Variants in LYSMD3 observed in about 807,000 individuals in gnomAD.
The protein encoded by LYSMD3 is lysM and putative peptidoglycan-binding domain-containing protein 3.
Under a neutral mutation model 26.1 loss-of-function variants are expected in LYSMD3, and 13 were observed. That is an observed-to-expected ratio of 0.50 (90% CI 0.32 to 0.79). The LOEUF (loss-of-function observed/expected upper bound fraction) is 0.79, where lower values mean the gene tolerates loss of function less well. LYSMD3 is among the 30% of genes least tolerant of loss of function. LYSMD3 has a pLI of 0.03. For synonymous variants in LYSMD3, 109 were observed against 119.4 expected, an observed-to-expected ratio of 0.91 and a Z score of 0.57; for missense variants, 331 against 362.5, an observed-to-expected ratio of 0.91 and a Z score of 0.71.
rs1309358789 is a variant in LYSMD3, at chr5:90,525,133, T to G, written c.157A>C (p.Ser53Arg). The change falls in exon 2 of 3, where the codon AGT becomes CGT. Residue 53 changes from serine (S) to arginine (R), a missense_variant. Ser to Arg is a moderately radical substitution (Grantham distance 110, BLOSUM62 -1). Transcript: ENST00000315948. ...RSRGKEKVRR[S>R]TSRDRLDDII... is the part of the protein sequence containing the mutation. ...TCGTCAAGTCTATCTCTTGATGTAC[T>G]TCTTCGGACTTTCTCTTTTCCTCTG... is the stretch of plus-strand genomic sequence containing the variant. The G allele has an allele frequency of 6.2e-7, 1 of 1,614,174 alleles. No homozygotes were observed. The highest frequency in any genetic ancestry group is 2.2e-5 in the East Asian group (1 of 44,872).
chr5:90,529,359 G>C (rs1034557240), intron 1 of LYSMD3, 89 bp downstream of exon 1: 4 of 455,960 alleles, frequency 8.8e-6, no homozygotes, highest in African/African-American at 2.0e-5. Flanking sequence ...ACCTGTGGCC[G>C]AGGCTCAGCG....
intron 1 of LYSMD3, 26 bp downstream of exon 1, chr5:90,529,422 C>T (rs1283292226): frequency 2.2e-6 from 1 of 456,518 alleles, no homozygotes; most frequent in East Asian, 7.0e-5. Context: ...GACCGGGCTA[C>T]CCTCACCTCC....
chr5:90,519,424 A>C lies in LYSMD3; in HGVS notation c.316T>G (p.Ser106Ala). The C allele has an allele frequency of 2.5e-6, 4 of 1,613,868 alleles. No homozygotes were observed. Among genetic ancestry groups the C allele is most frequent in the Non-Finnish European group, 3.4e-6 (4 of 1,179,944 alleles). The change falls in exon 3 of 3, where the codon TCT (serine) becomes GCT (alanine). Residue 106 changes from serine to alanine, a missense_variant. By Grantham distance (99) the Ser-to-Ala change is moderately conservative. Coordinates refer to ENST00000315948, the MANE Select transcript of LYSMD3 (RefSeq NM_198273.2). The part of the protein sequence containing the change: ...ISDQDFFALR[S>A]IKIPVKKFSS... ...AACTTTTTTACTGGAATTTTGATAG[A>C]CCTAAGGGCAAAAAAGTCTTGATCA...
chr5:90,519,610 C>A, intron 2 of LYSMD3, 126 bp from the exon 3 acceptor site: 2 of 907,264 alleles, frequency 2.2e-6, no homozygotes, highest in Non-Finnish European at 3.2e-6. Context: ...TTAAGTTGCA[C>A]CCAGAGAAAT....
chr5:90,524,880 C>A (rs570854588), intron 2 of LYSMD3, among the ~76,000 whole-genome samples, 155 bp downstream of exon 2: 1 of 152,276 alleles, frequency 6.6e-6, no homozygotes, highest in Admixed American at 6.5e-5. Flanking sequence ...GCGTGAGCCA[C>A]CGCGCCCAGC....
chr5:90,520,933 T>G (rs1196594902), intron 2 of LYSMD3, among the ~76,000 whole-genome samples: 1 of 148,864 alleles, frequency 6.7e-6, no homozygotes. Flanking sequence ...AAAAAAAAAG[T>G]AATTGAAGTC....
intron 2 of LYSMD3, chr5:90,520,315 T>C: frequency 2.3e-6 from 1 of 441,342 alleles, no homozygotes; most frequent in South Asian, 1.6e-5. Flanking sequence ...CCACCATCTA[T>C]TAGTCCCATT....
chr5:90,526,557 A>G (rs1291355032), intron 1 of LYSMD3, among the ~76,000 whole-genome samples: 2 of 152,196 alleles, frequency 1.3e-5, no homozygotes, highest in African/African-American at 2.4e-5. Context: ...TTCACATAAG[A>G]AGGGGCAGAC....
intron 1 of LYSMD3, among the ~76,000 whole-genome samples, chr5:90,528,638 G>T (rs745795182): frequency 1.6e-4 from 25 of 152,168 alleles, no homozygotes; most frequent in Non-Finnish European, 2.5e-4. Context: ...GATCACTCCA[G>T]TCTACTACTC....
chr5:90,526,093 T>C (rs1488707684), intron 1 of LYSMD3, among the ~76,000 whole-genome samples: 3 of 152,232 alleles, frequency 2.0e-5, no homozygotes, highest in Non-Finnish European at 4.4e-5. Context: ...CATAATACTT[T>C]CATGAATTCA....
chr5:90,529,548 GA>G lies in LYSMD3; in HGVS notation c.-113del, dbSNP rs2151923182. 1 of 456,538 alleles carries G rather than the reference GA, an allele frequency of 2.2e-6. No individual in the cohort carries two copies. The highest frequency in any genetic ancestry group is 4.4e-6 in the Non-Finnish European group (1 of 226,922). The allele number at this position is 456,538 out of a possible 1,614,324, so 28.3% of individuals were successfully genotyped here. On this transcript the variant is annotated 5_prime_UTR_variant, in exon 1 of 3. Coordinates refer to ENST00000315948, the MANE Select transcript of LYSMD3 (RefSeq NM_198273.2). The stretch of plus-strand genomic sequence containing the variant: ...CATGGCCGAGCCTCTGCTTTGGGCT[GA>G]CCCCGTCCGCCTCCGCCTCTGCCGC...
Position 90,519,437 on chromosome 5 carries a change from A to C in LYSMD3, c.303T>G (p.Phe101Leu). The change falls in exon 3 of 3, where the codon TTT becomes TTG. Residue 101 changes from phenylalanine to leucine, a missense_variant. Coordinates refer to ENST00000315948, the MANE Select transcript of LYSMD3 (RefSeq NM_198273.2). ...RVNNLISDQD[F>L]FALRSIKIPV... The stretch of plus-strand genomic sequence containing the variant: ...GAATTTTGATAGACCTAAGGGCAAA[A>C]AAGTCTTGATCACTGATGAGATTGT... The C allele has an allele frequency of 6.2e-7, 1 of 1,613,770 alleles. No individual in the cohort carries two copies. The highest frequency in any genetic ancestry group is 8.5e-7 in the Non-Finnish European group (1 of 1,179,942).
In LYSMD3 at chr5:90,525,200, A is replaced by C. The variant is rs1207615664; in HGVS notation, c.90T>G (p.Ser30Arg). 6.2e-7 allele frequency: 1 copy of C among 1,613,798 alleles called. No homozygotes were observed. The highest frequency in any genetic ancestry group is 1.3e-5 in the African/African-American group (1 of 74,820). ...QVHAFGNCSD[S>R]DILEEDAEVY... is the part of the protein sequence containing the mutation. ...CTTCAGCATCCTCCTCCAAAATATC[A>C]CTGTCTGAACAATTTCCAAATGCAT... The change falls in exon 2 of 3, where the codon AGT becomes AGG. Residue 30 changes from serine to arginine, a missense_variant. Ser to Arg is a moderately radical substitution (Grantham distance 110). Around this residue, in one of 3 missense-constraint regions of LYSMD3, gnomAD observed 262 missense variants for 267.3 expected, o/e 0.98. Coordinates refer to ENST00000315948, the MANE Select transcript of LYSMD3 (RefSeq NM_198273.2).
chr5:90,529,094 C>T (rs952557272), intron 1 of LYSMD3, among the ~76,000 whole-genome samples: 2 of 152,236 alleles, frequency 1.3e-5, no homozygotes, highest in African/African-American at 2.4e-5. Context: ...AGTCTTCTGT[C>T]ACAGCATGAC....
chr5:90,528,286 C>T (rs1753274257), intron 1 of LYSMD3, among the ~76,000 whole-genome samples: 1 of 152,170 alleles, frequency 6.6e-6, no homozygotes, highest in African/African-American at 2.4e-5. Flanking sequence ...ACTTAATATA[C>T]AGCAATTTAC....
chr5:90,519,569 G>A, intron 2 of LYSMD3, 85 bp from the exon 3 acceptor site: 1 of 1,369,866 alleles, frequency 7.3e-7, no homozygotes, highest in Non-Finnish European at 9.8e-7. Context: ...GTTACTTTTG[G>A]AGGAAAAAAA....
chr5:90,518,919 T>C lies in LYSMD3; in HGVS notation c.821A>G (p.Asn274Ser). 6.2e-7 allele frequency: 1 copy of C among 1,614,074 alleles called. No individual in the cohort carries two copies. Among genetic ancestry groups the C allele is most frequent in the Non-Finnish European group, 8.5e-7 (1 of 1,179,962 alleles). ...TPPSQQREME[N>S]GIVPTKGIHF... ...TATTCCTTTAGTTGGCACAATTCCA[T>C]TTTCCATTTCTCTCTGCTGTGATGG... Residue 274 changes from asparagine (N) to serine (S), a missense_variant, in exon 3 of 3, where the codon AAT becomes AGT. Asn to Ser is a conservative substitution (Grantham distance 46). Coordinates refer to ENST00000315948, the MANE Select transcript of LYSMD3 (RefSeq NM_198273.2).
chr5:90,517,991 A>G lies in LYSMD3; in HGVS notation c.*828T>C, dbSNP rs1752990095. 6.6e-6 allele frequency: 1 copy of G among 152,590 alleles called. No homozygotes were observed. The highest frequency in any genetic ancestry group is 1.5e-5 in the Non-Finnish European group (1 of 67,972). 9.5% of individuals were successfully genotyped at this position (152,590 alleles called of 1,614,324 possible). On this transcript the variant is annotated 3_prime_UTR_variant, in exon 3 of 3. Transcript: ENST00000315948. ...TAACAGCAATGATTTATCACAGTAT[A>G]TAAGGAATTATTTCCTAAATAATGG...
rs1752993481 is a variant in LYSMD3, at chr5:90,518,140, G to C, written c.*679C>G. The C allele has an allele frequency of 6.6e-6, 1 of 152,138 alleles. No individual in the cohort carries two copies. Among genetic ancestry groups the C allele is most frequent in the African/African-American group, 2.4e-5 (1 of 41,444 alleles). The allele number at this position is 152,138 out of a possible 1,614,324, so 9.4% of individuals were successfully genotyped here. A position where few individuals can be genotyped will look rare whatever the true frequency, so the allele number is the denominator to read the frequency against. On this transcript the variant is annotated 3_prime_UTR_variant, in exon 3 of 3. Transcript: ENST00000315948. ...GTGAGGTTAAAGGGTCTGTCCTAAA[G>C]AAAGCATTCTTAAGACAAAAATTAC...
Sources: allele counts gnomAD v4.1 joint callset (sites outside exome capture counted in the v4.1 genomes callset), GRCh38; gene constraint gnomAD v4.1.1; regional missense constraint gnomAD v4.1.1; transcripts MANE v1.5; gene names NCBI Gene and HGNC (gene_info 2026-07-23, HGNC 2026-07-21).